CDH13: variants seen among roughly 807,000 people sequenced by gnomAD.
CDH13 encodes the protein cadherin-13.
Under a neutral mutation model 63.8 loss-of-function variants are expected in CDH13, and 24 were observed. The observed-to-expected ratio is 0.38, with a 90% CI of 0.27 to 0.53. CDH13 has a LOEUF of 0.53. Ranked by LOEUF, CDH13 falls within the 20% of genes least tolerant of loss-of-function variation. CDH13 has a pLI of 0.85. For missense variants in CDH13, 1,049 were observed against 903.1 expected, an observed-to-expected ratio of 1.16 and a Z score of -2.07; for synonymous variants, 503 against 355.3, an observed-to-expected ratio of 1.42 and a Z score of -4.67.
intron 5 of CDH13, among the ~76,000 whole-genome samples, chr16:83,289,454 G>A (rs1046656384): frequency 3.9e-5 from 6 of 152,116 alleles, no homozygotes; most frequent in African/African-American, 1.2e-4. Context: ...CCCAGATATT[G>A]ATATTTTTTC....
intron 10 of CDH13, among the ~76,000 whole-genome samples, chr16:83,738,286 C>G (rs886172575): frequency 2.6e-5 from 4 of 152,206 alleles, no homozygotes; most frequent in African/African-American, 9.7e-5. Flanking sequence ...AGACACCCAG[C>G]AAATGTTTAT....
chr16:83,510,975 C>G (rs1567724473), intron 7 of CDH13, among the ~76,000 whole-genome samples: 2 of 152,250 alleles, frequency 1.3e-5, no homozygotes, highest in Non-Finnish European at 2.9e-5. Context: ...GTAAGGACAT[C>G]TAAAGAAGAA....
intron 2 of CDH13, among the ~76,000 whole-genome samples, chr16:83,004,992 C>T (rs113930337): frequency 2.6e-5 from 4 of 152,272 alleles, no homozygotes; most frequent in African/African-American, 9.6e-5. Flanking sequence ...AGAGCATCTT[C>T]CTTTTAAAGG....
Position 83,798,669 on chromosome 16 carries a change from C to T in CDH13, c.*3639C>T, listed in dbSNP as rs549136830. 3 of 152,208 alleles carry T rather than the reference C, an allele frequency of 2.0e-5. No individual in the cohort carries two copies. The highest frequency in any genetic ancestry group is 4.4e-5 in the Non-Finnish European group (3 of 68,054). 9.4% of individuals were successfully genotyped at this position (152,208 alleles called of 1,614,324 possible). A position where few individuals can be genotyped will look rare whatever the true frequency, so the allele number is the denominator to read the frequency against. ...CTCTCAACCCAGGAGCAAAACCAGA[C>T]AAAGTGCCTACTGCAGACCGGAAGA... On this transcript the variant is annotated 3_prime_UTR_variant, in exon 14 of 14. Transcript: ENST00000567109.
rs570971531 is a variant in CDH13, at chr16:83,246,766, C to A, written c.636+29269C>A. ...AAAGCTGGATCTAATCACTTCCTTG[C>A]TGAAACCATTGATGCTTCTCTGTCG... On this transcript the variant is annotated intron_variant, in intron 5 of 13. Coordinates refer to ENST00000567109, the MANE Select transcript of CDH13 (RefSeq NM_001257.5). Among the ~76,000 whole-genome samples the A allele has an allele frequency of 2.6e-5, 4 of 152,306 alleles. No homozygotes were observed. The South Asian group carries it at 8.3e-4, about 32-fold the overall frequency.
chr16:83,144,146 CCCTT>C (rs1303033381), intron 4 of CDH13, among the ~76,000 whole-genome samples: 1 of 151,668 alleles, frequency 6.6e-6, no homozygotes, highest in Non-Finnish European at 1.5e-5. Flanking sequence ...GTCAACGTGC[CCCTT>C]CCTTCTTTCT....
intron 5 of CDH13, among the ~76,000 whole-genome samples, chr16:83,314,573 A>G (rs949711298): frequency 1.3e-5 from 2 of 151,848 alleles, no homozygotes; most frequent in African/African-American, 4.8e-5. Context: ...AAAATACGGT[A>G]TTTTTTTCAT....
chr16:83,632,037 G>A (rs1250517648), intron 8 of CDH13, among the ~76,000 whole-genome samples: 1 of 152,230 alleles, frequency 6.6e-6, no homozygotes. Context: ...GGTAGTTTGA[G>A]AGAACAGGAT....
chr16:83,068,036 A>G lies in CDH13; in HGVS notation c.366+35818A>G, dbSNP rs149194359. On this transcript the variant is annotated intron_variant, in intron 3 of 13. Transcript: ENST00000567109. Reference sequence around the variant, plus strand: ...CTCAGTCAATCCTCCCAGCTCCTCTATTAGATCCATATGACTGCCACTTTG... The same window carrying G: ...CTCAGTCAATCCTCCCAGCTCCTCTGTTAGATCCATATGACTGCCACTTTG... Among the ~76,000 whole-genome samples the G allele has an allele frequency of 3.1e-3, 476 of 152,264 alleles. 3 individuals carry two copies. Among genetic ancestry groups the G allele is most frequent in the Middle Eastern group, 0.01 (3 of 294 alleles).
At chr16:83,484,829 G>C (rs2073850372) in intron 6 of CDH13, among the ~76,000 whole-genome samples, 1 of 152,184 alleles carries the variant, frequency 6.6e-6, no homozygotes, top group Non-Finnish European at 1.5e-5. Context: ...CTGTGGGTAA[G>C]GAAAGTTAAA....
chr16:83,265,170 C>T (rs1194775535), intron 5 of CDH13, among the ~76,000 whole-genome samples: 1 of 152,080 alleles, frequency 6.6e-6, no homozygotes, highest in East Asian at 1.9e-4. Context: ...TCTTGGAATT[C>T]TCTGTATTTC....
At chr16:83,769,526 C>T (rs1341697889) in intron 11 of CDH13, among the ~76,000 whole-genome samples, 1 of 152,188 alleles carries the variant, frequency 6.6e-6, no homozygotes, top group Non-Finnish European at 1.5e-5. Flanking sequence ...GAGCAAAAAG[C>T]AGACATGTTT....
At chr16:83,772,957 C>A (rs1315233840) in intron 11 of CDH13, 1 of 152,172 alleles carries the variant, frequency 6.6e-6, no homozygotes, top group Non-Finnish European at 1.5e-5. Flanking sequence ...TCTGCTGAAA[C>A]AAACAATGGG....
At chr16:82,701,404 T>G (rs1158746096) in intron 1 of CDH13, among the ~76,000 whole-genome samples, 1 of 152,176 alleles carries the variant, frequency 6.6e-6, no homozygotes, top group Non-Finnish European at 1.5e-5. Context: ...CCTTCTTCTC[T>G]GGGTGTTTGA....
intron 12 of CDH13, among the ~76,000 whole-genome samples, chr16:83,781,563 C>A (rs994149560): frequency 2.0e-5 from 3 of 151,886 alleles, no homozygotes; most frequent in Admixed American, 6.6e-5. Context: ...GTGCCTTTTG[C>A]TTGTTATTGA....
chr16:82,626,974 G>A lies in CDH13; in HGVS notation c.-119G>A. 1 of 1,129,868 alleles carries A rather than the reference G, an allele frequency of 8.9e-7. No homozygotes were observed. The highest frequency in any genetic ancestry group is 1.3e-5 in the South Asian group (1 of 75,342). 70.0% of individuals were successfully genotyped at this position (1,129,868 alleles called of 1,614,324 possible). A position where few individuals can be genotyped will look rare whatever the true frequency, so the allele number is the denominator to read the frequency against. On this transcript the variant is annotated 5_prime_UTR_variant, in exon 1 of 14. Transcript: ENST00000567109. ...CGTGATGCTGCTGCTGATCTATTTG[G>A]GAAGTTGGCTGGCTGGCGAGGCAGA... is the stretch of plus-strand genomic sequence containing the variant.
chr16:83,123,133 A>G (rs2035658918), intron 3 of CDH13, among the ~76,000 whole-genome samples: 1 of 151,736 alleles, frequency 6.6e-6, no homozygotes, highest in African/African-American at 2.4e-5. Flanking sequence ...GTAGTATTTT[A>G]TGGCATGTGC....
At chr16:83,276,688 G>A (rs1046204100) in intron 5 of CDH13, among the ~76,000 whole-genome samples, 1 of 152,054 alleles carries the variant, frequency 6.6e-6, no homozygotes. Context: ...GGCTAACACG[G>A]TGAAACCCTG....
At chr16:82,804,907 C>T (rs549866638) in intron 1 of CDH13, among the ~76,000 whole-genome samples, 1 of 152,086 alleles carries the variant, frequency 6.6e-6, no homozygotes, top group African/African-American at 2.4e-5. Flanking sequence ...TTGTTTTTCA[C>T]CTTATCTAAA....
Sources: allele counts gnomAD v4.1 joint callset (sites outside exome capture counted in the v4.1 genomes callset), GRCh38; gene constraint gnomAD v4.1.1; transcripts MANE v1.5; gene names NCBI Gene and HGNC (gene_info 2026-07-23, HGNC 2026-07-21).